The following FBXW8 variants were observed in gnomAD, a reference collection of about 807,000 sequenced individuals.
FBXW8 encodes the protein F-box/WD repeat-containing protein 8.
A neutral mutation model predicts 65.3 loss-of-function variants in FBXW8; 57 were observed. The observed-to-expected ratio is 0.87, with a 90% CI of 0.71 to 1.09. The LOEUF is 1.09. FBXW8 is among the 50% of genes least tolerant of loss of function. The probability of loss-of-function intolerance (pLI) is 0.00; values close to 1 mark genes in which losing one functional copy is unlikely to be tolerated. For synonymous variants in FBXW8, 308 were observed against 330.2 expected, an observed-to-expected ratio of 0.93 and a Z score of 0.73; for missense variants, 777 against 814.8, an observed-to-expected ratio of 0.95 and a Z score of 0.57.
intron 7 of FBXW8, among the ~76,000 whole-genome samples, chr12:117,003,373 G>A (rs1047654596): frequency 6.6e-6 from 1 of 152,120 alleles, no homozygotes. Context: ...GCGCACCCTG[G>A]GCATCTGGCA....
chr12:116,921,460 A>G (rs1593039021), intron 1 of FBXW8, among the ~76,000 whole-genome samples: 1 of 152,176 alleles, frequency 6.6e-6, no homozygotes, highest in African/African-American at 2.4e-5. Flanking sequence ...CTGGCTTACT[A>G]ATGAACTTTG....
At chr12:117,002,553 C>G (rs192576605) in intron 7 of FBXW8, 35 of 152,284 alleles carry the variant, frequency 2.3e-4, no homozygotes, top group African/African-American at 8.4e-4. Context: ...CAGAAAGTCA[C>G]CTTTGGGATG....
chr12:116,969,139 C>CAAGCTTGTCAGTCTT (rs1308451550), intron 5 of FBXW8, among the ~76,000 whole-genome samples: 6 of 152,136 alleles, frequency 3.9e-5, no homozygotes, highest in African/African-American at 1.4e-4. Flanking sequence ...TGGGGTTTCA[C>CAAGCTTGTCAGTCTT]GTCATGGTTG....
At chr12:116,938,963 T>G (rs1882366249) in intron 2 of FBXW8, among the ~76,000 whole-genome samples, 1 of 152,118 alleles carries the variant, frequency 6.6e-6, no homozygotes, top group South Asian at 2.1e-4. Flanking sequence ...AGGTTTTGGT[T>G]TCATAGGTTG....
intron 7 of FBXW8, among the ~76,000 whole-genome samples, chr12:116,998,061 C>T (rs974304722): frequency 6.6e-5 from 10 of 152,162 alleles, no homozygotes; most frequent in African/African-American, 2.2e-4. Context: ...TCAGGTGATC[C>T]GCCTTCCTTA....
chr12:116,969,717 C>T (rs529022936), intron 5 of FBXW8, among the ~76,000 whole-genome samples: 97 of 152,058 alleles, frequency 6.4e-4, no homozygotes, highest in African/African-American at 2.2e-3. Context: ...CGCACATTCT[C>T]GGTGGAGGGA....
At position 117,028,338 on chromosome 12, in the gene FBXW8, C is replaced by T. The variant is rs987423451; in HGVS notation, c.*166C>T. Reference sequence around the variant, plus strand: ...TCCCTGACCCCTGCACTTCCCCCAGCGCCTGGGGCAAGCTGGCGTGTGCCA... The same window carrying T: ...TCCCTGACCCCTGCACTTCCCCCAGTGCCTGGGGCAAGCTGGCGTGTGCCA... On this transcript the variant is annotated 3_prime_UTR_variant, in exon 11 of 11. Transcript: ENST00000652555. This position sits in a 1 kb window ranked among gnomAD's most constrained non-coding sequence, Gnocchi z 4.1. 32 of 821,616 alleles carry T rather than the reference C, an allele frequency of 3.9e-5. No homozygotes were observed. The Admixed American group carries it at 6.5e-4, about 17-fold the overall frequency. The allele number at this position is 821,616 out of a possible 1,614,324, so 50.9% of individuals were successfully genotyped here. A position where few individuals can be genotyped will look rare whatever the true frequency, so the allele number is the denominator to read the frequency against.
intron 4 of FBXW8, among the ~76,000 whole-genome samples, chr12:116,963,162 C>A (rs1457718327): frequency 3.9e-5 from 6 of 152,186 alleles, no homozygotes; most frequent in Non-Finnish European, 7.3e-5. Context: ...TGCCACCCTG[C>A]AGGTAGAGAG....
At chr12:116,992,805 T>A (rs1953278161) in intron 7 of FBXW8, among the ~76,000 whole-genome samples, 1 of 150,688 alleles carries the variant, frequency 6.6e-6, no homozygotes, top group South Asian at 2.1e-4. Context: ...TGTATCACAT[T>A]TTCTGTATCT....
rs1217452721 is a variant in FBXW8 at position 117,024,168 on chromosome 12, CA to C, written c.1390del (p.Ser464ValfsTer41). ...CCAGGGTGAGGATCCACGACCTCCG[CA>C]GTGGTAACATCGCCCTGTCGCTCTC... Reference protein sequence around the residue: ...DGRVRIHDLRSGNIALSLSAH... With the variant: ...DGRVRIHDLRXGNIALSLSAH... On this transcript the variant is annotated frameshift_variant, in exon 9 of 11. Transcript: ENST00000652555. LOFTEE classifies it high-confidence loss of function. 6.2e-7 allele frequency: 1 copy of C among 1,613,970 alleles called. No individual in the cohort carries two copies. Among genetic ancestry groups the C allele is most frequent in the Non-Finnish European group, 8.5e-7 (1 of 1,180,018 alleles).
In FBXW8 at chr12:116,936,183, G is replaced by A. The variant is rs563223318; in HGVS notation, c.423+8056G>A. Among the ~76,000 whole-genome samples the A allele has an allele frequency of 6.6e-6, 1 of 152,340 alleles. No individual in the cohort carries two copies. Among genetic ancestry groups the A allele is most frequent in the African/African-American group, 2.4e-5 (1 of 41,580 alleles). On this transcript the variant is annotated intron_variant, in intron 2 of 10. Coordinates refer to ENST00000652555, the MANE Select transcript of FBXW8 (RefSeq NM_153348.3). This position sits in a 1 kb window ranked among gnomAD's most constrained non-coding sequence, Gnocchi z 4.6. ...GGTGAGCTTTGAGCAAAGACCTGAA[G>A]GAGGGGTGAAGGACACTGTGCAGAT...
intron 7 of FBXW8, among the ~76,000 whole-genome samples, chr12:116,995,215 G>A (rs1264972387): frequency 6.6e-6 from 1 of 152,206 alleles, no homozygotes; most frequent in Non-Finnish European, 1.5e-5. Flanking sequence ...GGCAGCGTAC[G>A]CGGACATGCT....
At chr12:116,945,226 C>T in intron 2 of FBXW8, 138 bp from the exon 3 acceptor site, 1 of 716,492 alleles carries the variant, frequency 1.4e-6, no homozygotes, top group Middle Eastern at 4.2e-4. Context: ...TTTTTTTCCA[C>T]CTCATAGTGT....
chr12:116,999,073 C>T (rs1172029121), intron 7 of FBXW8, among the ~76,000 whole-genome samples: 2 of 152,156 alleles, frequency 1.3e-5, no homozygotes, highest in Non-Finnish European at 2.9e-5. Flanking sequence ...GCAGATGAAT[C>T]CTTCTAATGG....
At chr12:116,986,693 C>T (rs887241192) in intron 6 of FBXW8, 2 of 152,088 alleles carry the variant, frequency 1.3e-5, no homozygotes, top group Non-Finnish European at 2.9e-5. Context: ...CTGTATGGAC[C>T]CAGATACTTA....
intron 2 of FBXW8, among the ~76,000 whole-genome samples, chr12:116,932,056 CT>C (rs761872700): frequency 2.0e-5 from 3 of 152,124 alleles, no homozygotes; most frequent in African/African-American, 7.2e-5. Flanking sequence ...ATGAAAGGAT[CT>C]TGAATTTTGT....
chr12:116,955,042 G>T (rs572524655), intron 4 of FBXW8, among the ~76,000 whole-genome samples: 12 of 151,092 alleles, frequency 7.9e-5, no homozygotes, highest in African/African-American at 2.7e-4. Context: ...GAAATGGGGG[G>T]GGGGGGCCCT....
At position 116,936,241 on chromosome 12, in the gene FBXW8, C is replaced by T. The variant is rs935256000; in HGVS notation, c.423+8114C>T. ...AGAGTGGAATAGCAAGGACGAAGGA[C>T]TTGAGGCAGACACAGCTGAAGCTCA... On this transcript the variant is annotated intron_variant, in intron 2 of 10. Transcript: ENST00000652555. This position sits in a 1 kb window ranked among gnomAD's most constrained non-coding sequence, Gnocchi z 4.6. Among the ~76,000 whole-genome samples, 5 of 152,296 alleles carry T rather than the reference C, an allele frequency of 3.3e-5. No individual in the cohort carries two copies. Among genetic ancestry groups the T allele is most frequent in the African/African-American group, 9.6e-5 (4 of 41,546 alleles).
chr12:117,020,632 G>A (rs1288382302), intron 8 of FBXW8, among the ~76,000 whole-genome samples: 1 of 152,120 alleles, frequency 6.6e-6, no homozygotes, highest in Non-Finnish European at 1.5e-5. Context: ...TAATTTCAGG[G>A]ACTATACTTT....
Sources: allele counts gnomAD v4.1 joint callset (sites outside exome capture counted in the v4.1 genomes callset), GRCh38; gene constraint gnomAD v4.1.1; non-coding constraint Gnocchi (gnomAD v3.1); transcripts MANE v1.5; gene names NCBI Gene and HGNC (gene_info 2026-07-23, HGNC 2026-07-21).